The following NFYA variants were observed in gnomAD, a reference collection of about 807,000 sequenced individuals.
NFYA encodes the protein CAAT-box DNA binding protein subunit A.
A neutral mutation model predicts 52.8 loss-of-function variants in NFYA; 28 were observed. The ratio of observed to expected loss-of-function variants is 0.53; its 90% confidence interval spans 0.39 to 0.73. The LOEUF (loss-of-function observed/expected upper bound fraction) is 0.73. Among genes scored for constraint, NFYA ranks in the 30% least tolerant of loss-of-function variants. The pLI is 0.00. For synonymous variants in NFYA, 150 were observed against 150.7 expected, an observed-to-expected ratio of 1.00 and a Z score of 0.03; for missense variants, 234 against 427.0, an observed-to-expected ratio of 0.55 and a Z score of 3.98.
chr6:41,089,235 C>T (rs1189864090), intron 4 of NFYA, among the ~76,000 whole-genome samples: 9 of 152,178 alleles, frequency 5.9e-5, no homozygotes, highest in African/African-American at 1.9e-4. Flanking sequence ...CCACCCACCT[C>T]GGCCTTCCAA....
At chr6:41,090,692 A>C (rs576675608) in intron 6 of NFYA, among the ~76,000 whole-genome samples, 2 of 152,354 alleles carry the variant, frequency 1.3e-5, no homozygotes, top group Admixed American at 1.3e-4. Flanking sequence ...TTAAATGACT[A>C]TTATGTATAC....
At chr6:41,097,224 T>C (rs899317589) in intron 9 of NFYA, 133 bp from the exon 10 acceptor site, 3 of 763,960 alleles carry the variant, frequency 3.9e-6, no homozygotes, top group Middle Eastern at 3.0e-4. Context: ...GTATGCAGAC[T>C]TAAGATGTAT....
chr6:41,088,317 G>T (rs1764101411), intron 4 of NFYA, among the ~76,000 whole-genome samples: 1 of 151,268 alleles, frequency 6.6e-6, no homozygotes, highest in South Asian at 2.1e-4. Flanking sequence ...CAGCTACTCG[G>T]GAGGCTGAGG....
intron 1 of NFYA, among the ~76,000 whole-genome samples, chr6:41,077,212 T>C (rs970320472): frequency 6.6e-6 from 1 of 152,208 alleles, no homozygotes; most frequent in Non-Finnish European, 1.5e-5. Flanking sequence ...ATGATCCTTA[T>C]TTTTTAAAAT....
intron 3 of NFYA, among the ~76,000 whole-genome samples, chr6:41,083,665 CCT>C (rs1763967938): frequency 6.6e-6 from 1 of 152,182 alleles, no homozygotes; most frequent in Non-Finnish European, 1.5e-5. Context: ...ATCACCTTTC[CCT>C]CTCATTGCCT....
At chr6:41,078,002 CA>C (rs1403994339) in intron 1 of NFYA, among the ~76,000 whole-genome samples, 2 of 151,968 alleles carry the variant, frequency 1.3e-5, no homozygotes, top group African/African-American at 4.8e-5. Context: ...AAGAATTTCT[CA>C]AAATTCTTAT....
intron 3 of NFYA, among the ~76,000 whole-genome samples, chr6:41,081,284 T>C (rs1262412270): frequency 5.3e-5 from 8 of 152,012 alleles, no homozygotes; most frequent in Non-Finnish European, 1.0e-4. Flanking sequence ...GGTCAGGAGA[T>C]CGAGACCATC....
intron 4 of NFYA, among the ~76,000 whole-genome samples, chr6:41,088,996 AT>A (rs1003042058): frequency 2.0e-5 from 3 of 151,538 alleles, no homozygotes; most frequent in African/African-American, 7.3e-5. Flanking sequence ...TTATTTTTTT[AT>A]TTTTTTGAGA....
At chr6:41,092,470 T>C (rs1006155496) in intron 7 of NFYA, among the ~76,000 whole-genome samples, 2 of 152,246 alleles carry the variant, frequency 1.3e-5, no homozygotes, top group African/African-American at 4.8e-5. Context: ...TACTTGTTTT[T>C]ACCTACATTT....
At chr6:41,086,184 G>A (rs1764038985) in intron 4 of NFYA, among the ~76,000 whole-genome samples, 1 of 149,560 alleles carries the variant, frequency 6.7e-6, no homozygotes, top group East Asian at 1.9e-4. Context: ...GTTAGGAACA[G>A]TATACTGTGA....
In NFYA at chr6:41,098,853, A is replaced by G. The variant is rs543017935; in HGVS notation, c.*1443A>G. On this transcript the variant is annotated 3_prime_UTR_variant, in exon 10 of 10. Coordinates refer to ENST00000341376, the MANE Select transcript of NFYA (RefSeq NM_002505.5). ...AGAACGGGTTGTGCCTCAGAAATCTATTTCTCTTTTAGATGTTGAACCCTG... is the reference window on the plus strand; with the variant it reads ...AGAACGGGTTGTGCCTCAGAAATCTGTTTCTCTTTTAGATGTTGAACCCTG... The G allele has an allele frequency of 3.9e-5, 6 of 152,738 alleles. No individual in the cohort carries two copies. The East Asian group carries it at 9.6e-4, about 25-fold the overall frequency. The allele number at this position is 152,738 out of a possible 1,614,324, so 9.5% of individuals were successfully genotyped here.
At position 41,100,951 on chromosome 6, in the gene NFYA, C is replaced by G. The variant is rs897381606; in HGVS notation, c.*3541C>G. 2 of 152,274 alleles carry G rather than the reference C, an allele frequency of 1.3e-5. No individual in the cohort carries two copies. The highest frequency in any genetic ancestry group is 2.9e-5 in the Non-Finnish European group (2 of 68,060). The allele number at this position is 152,274 out of a possible 1,614,324, so 9.4% of individuals were successfully genotyped here. A position where few individuals can be genotyped will look rare whatever the true frequency, so the allele number is the denominator to read the frequency against. On this transcript the variant is annotated 3_prime_UTR_variant, in exon 10 of 10. Coordinates refer to ENST00000341376, the MANE Select transcript of NFYA (RefSeq NM_002505.5). ...GCGCGGATTGATCGGCGGCAGGCCT[C>G]CAATAGAGCCTGCTAGGCGGATTGG... is the stretch of plus-strand genomic sequence containing the variant.
chr6:41,075,166 T>C (rs890618796), intron 1 of NFYA: 4 of 152,306 alleles, frequency 2.6e-5, no homozygotes, highest in African/African-American at 9.6e-5. Flanking sequence ...CTAAAAAACA[T>C]GTATATTTGC....
At chr6:41,083,084 G>A (rs751077201) in intron 3 of NFYA, among the ~76,000 whole-genome samples, 2 of 152,176 alleles carry the variant, frequency 1.3e-5, no homozygotes, top group Non-Finnish European at 2.9e-5. Context: ...AGTAATTTCT[G>A]TCAAAGATAG....
intron 5 of NFYA, 137 bp from the exon 6 acceptor site, chr6:41,090,067 G>A (rs925625192): frequency 1.3e-4 from 77 of 579,308 alleles, no homozygotes; most frequent in Middle Eastern, 4.3e-4. Flanking sequence ...CTGAGATTGC[G>A]CCACTGCACT....
chr6:41,093,203 T>C, intron 8 of NFYA, 118 bp downstream of exon 8: 1 of 831,668 alleles, frequency 1.2e-6, no homozygotes, highest in Non-Finnish European at 1.8e-6. Flanking sequence ...GTTAGATACT[T>C]GTTGTCTCTT....
chr6:41,090,106 T>G, intron 5 of NFYA, 98 bp from the exon 6 acceptor site: 1 of 788,964 alleles, frequency 1.3e-6, no homozygotes, highest in Non-Finnish European at 2.1e-6. Flanking sequence ...AGAGTGAGAC[T>G]CTGTCTCAAA....
intron 5 of NFYA, 83 bp from the exon 6 acceptor site, chr6:41,090,118 AAAT>A (rs1255239161): frequency 1.1e-6 from 1 of 946,774 alleles, no homozygotes; most frequent in African/African-American, 1.6e-5. Context: ...TGTCTCAAAA[AAAT>A]AATTTTTTTT....
Position 41,094,450 on chromosome 6 carries a change from G to A in NFYA, c.943G>A (p.Gly315Ser). Residue 315 changes from glycine (G) to serine (S), a missense_variant, in exon 9 of 10, where the codon GGT becomes AGT. Coordinates refer to ENST00000341376, the MANE Select transcript of NFYA (RefSeq NM_002505.5). ...RHAMARKRGE[G>S]GRFFSPKEKD... The stretch of plus-strand genomic sequence containing the variant: ...TGCCATGGCACGGAAGCGTGGTGAA[G>A]GTGGACGATTTTTCTCTCCAAAGGA... 6.2e-7 allele frequency: 1 copy of A among 1,614,206 alleles called. No individual in the cohort carries two copies.
Sources: gnomAD v4.1 joint callset for allele counts (sites outside exome capture counted in the v4.1 genomes callset) on GRCh38, gnomAD v4.1.1 for gene constraint, MANE v1.5 for transcripts, NCBI Gene and HGNC (gene_info 2026-07-23, HGNC 2026-07-21) for gene names.